Variants in PCSK6 observed in about 807,000 individuals in gnomAD.
PCSK6 encodes the protein paired basic amino acid cleaving enzyme 4.
PCSK6 carries 85 observed loss-of-function variants against 123.3 expected under a neutral mutation model. That is an observed-to-expected ratio of 0.69 (90% CI 0.58 to 0.83). The LOEUF is 0.83. PCSK6 is among the 40% of genes least tolerant of loss of function. PCSK6 has a pLI of 0.00. For missense variants in PCSK6, 1,191 were observed against 1,282.3 expected (o/e 0.93, Z 1.09); for synonymous variants, 508 against 516.0 (o/e 0.98, Z 0.21).
At chr15:101,362,934 C>T (rs2041277066) in intron 13 of PCSK6, among the ~76,000 whole-genome samples, 1 of 152,164 alleles carries the variant, frequency 6.6e-6, no homozygotes, top group Non-Finnish European at 1.5e-5. Context: ...GAGATGGGAC[C>T]ATAGGCTTGG....
At chr15:101,324,407 A>T (rs1270802631) in intron 17 of PCSK6, among the ~76,000 whole-genome samples, 7 of 152,304 alleles carry the variant, frequency 4.6e-5, no homozygotes, top group Non-Finnish European at 1.5e-5. Flanking sequence ...ACCCACGCCC[A>T]GCGCACACAT....
intron 1 of PCSK6, among the ~76,000 whole-genome samples, chr15:101,475,090 T>C (rs975398071): frequency 1.3e-5 from 2 of 152,152 alleles, no homozygotes; most frequent in African/African-American, 2.4e-5. Context: ...GAATCCCCAG[T>C]TGAGAGGCTG....
chr15:101,479,416 C>T (rs1222061570), intron 1 of PCSK6, among the ~76,000 whole-genome samples: 7 of 152,306 alleles, frequency 4.6e-5, no homozygotes, highest in Middle Eastern at 3.4e-3. Flanking sequence ...TACGGATGGC[C>T]GTGTGGGAAA....
intron 6 of PCSK6, among the ~76,000 whole-genome samples, chr15:101,414,848 C>A (rs538935143): frequency 6.6e-6 from 1 of 152,144 alleles, no homozygotes; most frequent in African/African-American, 2.4e-5. Context: ...ATGAATATAA[C>A]AAAGTCCTTC....
At chr15:101,334,919 T>C (rs1339298249) in intron 13 of PCSK6, among the ~76,000 whole-genome samples, 2 of 152,160 alleles carry the variant, frequency 1.3e-5, no homozygotes, top group African/African-American at 4.8e-5. Flanking sequence ...GACTTCATTA[T>C]TATTACACTC....
chr15:101,400,299 C>T (rs531581943), intron 6 of PCSK6, among the ~76,000 whole-genome samples: 5 of 152,208 alleles, frequency 3.3e-5, no homozygotes, highest in Non-Finnish European at 7.3e-5. Context: ...CCATTAAAGA[C>T]TCTTCCAAGG....
In PCSK6 at chr15:101,305,447, C is replaced by A; in HGVS notation, c.2813-92G>T. The A allele has an allele frequency of 2.9e-6, 3 of 1,029,904 alleles. No individual in the cohort carries two copies. Among genetic ancestry groups the A allele is most frequent in the Non-Finnish European group, 2.9e-6 (2 of 686,134 alleles). The allele number at this position is 1,029,904 out of a possible 1,614,324, so 63.8% of individuals were successfully genotyped here. On this transcript the variant is annotated intron_variant, in intron 21 of 21. Transcript: ENST00000611716. This position sits in a 1 kb window ranked among gnomAD's most constrained non-coding sequence, Gnocchi z 4.8. ...TCAAGGCCGGGCGCGGTGCCTCATG[C>A]CTGTAATCCCAGCACTTTGGGAGGC...
At chr15:101,314,044 G>C (rs906242917) in intron 19 of PCSK6, among the ~76,000 whole-genome samples, 1 of 152,218 alleles carries the variant, frequency 6.6e-6, no homozygotes, top group Non-Finnish European at 1.5e-5. Flanking sequence ...CCATTGCACA[G>C]AACGCTGTAG....
chr15:101,430,332 C>T (rs776555496), intron 4 of PCSK6, among the ~76,000 whole-genome samples: 14 of 152,124 alleles, frequency 9.2e-5, no homozygotes, highest in Admixed American at 5.2e-4. Context: ...TTTCAACCTG[C>T]AAAACCCCAC....
chr15:101,486,015 G>GT (rs1279192038), intron 1 of PCSK6, among the ~76,000 whole-genome samples: 8 of 144,576 alleles, frequency 5.5e-5, no homozygotes, highest in Non-Finnish European at 1.0e-4. Context: ...CCAGGCTGGA[G>GT]TGCAATGGTG....
intron 13 of PCSK6, chr15:101,347,877 C>A: frequency 2.4e-6 from 2 of 844,340 alleles, no homozygotes; most frequent in East Asian, 2.5e-5. Flanking sequence ...AGGAAGCGCC[C>A]GGGGTTGACA....
At chr15:101,423,236 A>G (rs1422937507) in intron 6 of PCSK6, among the ~76,000 whole-genome samples, 1 of 151,716 alleles carries the variant, frequency 6.6e-6, no homozygotes, top group Non-Finnish European at 1.5e-5. Context: ...TGGAAATCAT[A>G]AGACAGAAAA....
At chr15:101,436,849 C>A (rs1206380292) in intron 2 of PCSK6, among the ~76,000 whole-genome samples, 1 of 152,200 alleles carries the variant, frequency 6.6e-6, no homozygotes. Flanking sequence ...AGAAAGCTGA[C>A]TGGTGAATTT....
At chr15:101,402,786 G>C (rs1246594822) in intron 6 of PCSK6, among the ~76,000 whole-genome samples, 3 of 152,294 alleles carry the variant, frequency 2.0e-5, no homozygotes, top group East Asian at 3.9e-4. Flanking sequence ...TGCTGGAGAG[G>C]ATGTGGAGAA....
intron 13 of PCSK6, among the ~76,000 whole-genome samples, chr15:101,364,619 T>C (rs745368263): frequency 2.0e-5 from 3 of 152,192 alleles, no homozygotes; most frequent in Non-Finnish European, 4.4e-5. Flanking sequence ...AAGACTTATA[T>C]ACTCAACACT....
At chr15:101,309,677 GTC>G (rs1037305360) in intron 20 of PCSK6, among the ~76,000 whole-genome samples, 1 of 152,258 alleles carries the variant, frequency 6.6e-6, no homozygotes, top group African/African-American at 2.4e-5. Flanking sequence ...GCCCCTGGGA[GTC>G]TCTGCCCCCG....
rs1306975117 is a variant in PCSK6 at position 101,429,988 on chromosome 15, T to C, written c.733A>G (p.Lys245Glu). Residue 245 changes from lysine (K) to glutamate (E), a missense_variant and splice_region_variant, in exon 5 of 22, where the codon AAA becomes GAA. Around this residue, in one of 3 missense-constraint regions of PCSK6, gnomAD observed 357 missense variants for 484.5 expected, o/e 0.74. Coordinates refer to ENST00000611716, the MANE Select transcript of PCSK6 (RefSeq NM_002570.5). ...SPRYDASNEN[K>E]HGTRCAGEVA... ...GGGAGATGAGGCGAGGTGACGTACTTATTTTCATTGCTGGCATCATATCGT... is the reference window on the plus strand; with the variant it reads ...GGGAGATGAGGCGAGGTGACGTACTCATTTTCATTGCTGGCATCATATCGT... 1 of 1,612,756 alleles carries C rather than the reference T, an allele frequency of 6.2e-7. No individual in the cohort carries two copies. The highest frequency in any genetic ancestry group is 1.1e-5 in the South Asian group (1 of 91,052).
intron 13 of PCSK6, chr15:101,346,622 G>A (rs762908944): frequency 9.2e-5 from 46 of 499,546 alleles, no homozygotes; most frequent in Non-Finnish European, 1.3e-4. Flanking sequence ...CCAGAATGCC[G>A]AACCATGCAG....
intron 11 of PCSK6, among the ~76,000 whole-genome samples, chr15:101,380,288 G>A (rs1047884675): frequency 8.5e-5 from 13 of 152,302 alleles, no homozygotes; most frequent in South Asian, 4.1e-4. Flanking sequence ...ATCTTAAAAC[G>A]ATTTCTGGCA....
Sources: gnomAD v4.1 joint callset for allele counts (sites outside exome capture counted in the v4.1 genomes callset) on GRCh38, gnomAD v4.1.1 for gene constraint, gnomAD v4.1.1 regional missense constraint, Gnocchi (gnomAD v3.1) non-coding constraint, MANE v1.5 for transcripts, NCBI Gene and HGNC (gene_info 2026-07-23, HGNC 2026-07-21) for gene names.